The following ADAMTS8 variants were observed in gnomAD, a reference collection of about 807,000 sequenced individuals.
The protein encoded by ADAMTS8 is A disintegrin and metalloproteinase with thrombospondin motifs 8.
ADAMTS8 carries 50 observed loss-of-function variants against 64.4 expected under a neutral mutation model. The observed-to-expected ratio is 0.78, with a 90% CI of 0.62 to 0.98. The LOEUF is 0.98. ADAMTS8 is among the 50% of genes least tolerant of loss of function. The pLI is 0.00. For synonymous variants in ADAMTS8, 556 were observed against 533.6 expected, an observed-to-expected ratio of 1.04 and a Z score of -0.58; for missense variants, 1,192 against 1,208.2, an observed-to-expected ratio of 0.99 and a Z score of 0.20.
chr11:130,427,386 C>T (rs538479836), intron 1 of ADAMTS8, among the ~76,000 whole-genome samples, 181 bp downstream of exon 1: 1 of 149,840 alleles, frequency 6.7e-6, no homozygotes, highest in Non-Finnish European at 1.5e-5. Flanking sequence ...AAAAGAGTTA[C>T]TGCTCTTTCT....
At chr11:130,427,275 G>T (rs1044722900) in intron 1 of ADAMTS8, among the ~76,000 whole-genome samples, 5 of 152,168 alleles carry the variant, frequency 3.3e-5, no homozygotes, top group African/African-American at 1.2e-4. Context: ...GCCACGTGCC[G>T]CGGGAGATTC....
chr11:130,406,883 A>G (rs1038208504), intron 8 of ADAMTS8, among the ~76,000 whole-genome samples: 2 of 152,096 alleles, frequency 1.3e-5, no homozygotes, highest in African/African-American at 4.8e-5. Context: ...CTGGGGAGAA[A>G]GTGAGGCGAG....
rs1025787932 is a variant in ADAMTS8, at chr11:130,407,902, G to C, written c.2099+562C>G. Among the ~76,000 whole-genome samples the C allele has an allele frequency of 1.2e-4, 19 of 152,202 alleles. 1 individual carries two copies. The highest frequency in any genetic ancestry group is 4.6e-4 in the African/African-American group (19 of 41,452). On this transcript the variant is annotated intron_variant, in intron 8 of 8. Transcript: ENST00000257359. Reference sequence around the variant, plus strand: ...ACAAATCAAATGAGACCATGGAAATGAAAGCGCTTTGGAAAATCCTTGGAG... The same window carrying C: ...ACAAATCAAATGAGACCATGGAAATCAAAGCGCTTTGGAAAATCCTTGGAG...
At position 130,411,408 on chromosome 11, in the gene ADAMTS8, G is replaced by A. The variant is rs1264764557; in HGVS notation, c.1750+9C>T. 6.2e-7 allele frequency: 1 copy of A among 1,613,060 alleles called. No homozygotes were observed. The highest frequency in any genetic ancestry group is 1.3e-5 in the African/African-American group (1 of 75,020). ...TGCTCTGGCAGGGGCGGCCCTGAGT[G>A]GTAATTACCGTCAGGGGGGCATTCC... On this transcript the variant is annotated intron_variant, in intron 6 of 8. Transcript: ENST00000257359. This position sits in a 1 kb window ranked among gnomAD's most constrained non-coding sequence, Gnocchi z 4.2.
chr11:130,414,749 G>C lies in ADAMTS8; in HGVS notation c.1348C>G (p.Gln450Glu). ...PGRMALYQLD[Q>E]QCRQIFGPDF... ...GGCCCAAAGATCTGCCTGCACTGCT[G>C]GTCCAGCTGGTACAGGGCCATGCGG... is the stretch of plus-strand genomic sequence containing the variant. The change falls in exon 5 of 9, where the codon CAG (glutamine) becomes GAG (glutamate). Residue 450 changes from glutamine to glutamate, a missense_variant. Gln to Glu is a conservative substitution (Grantham distance 29). Coordinates refer to ENST00000257359, the MANE Select transcript of ADAMTS8 (RefSeq NM_007037.6). The C allele has an allele frequency of 6.2e-7, 1 of 1,613,550 alleles. No individual in the cohort carries two copies. Among genetic ancestry groups the C allele is most frequent in the Non-Finnish European group, 8.5e-7 (1 of 1,180,038 alleles).
At position 130,426,681 on chromosome 11, in the gene ADAMTS8, A is replaced by C. The variant is rs182456282; in HGVS notation, c.720+886T>G. On this transcript the variant is annotated intron_variant, in intron 1 of 8. Transcript: ENST00000257359. The stretch of plus-strand genomic sequence containing the variant: ...CCTGCTGAGTCAGCACCATCTTTGC[A>C]TCTAGTTAGAAATGGTCTGGTTAGG... 1.8e-3 allele frequency among the ~76,000 whole-genome samples: 276 copies of C among 152,264 alleles called. 1 individual carries two copies. The highest frequency in any genetic ancestry group is 6.5e-3 in the African/African-American group (271 of 41,546).
At chr11:130,419,856 C>T (rs1200305391) in intron 1 of ADAMTS8, among the ~76,000 whole-genome samples, 1 of 152,276 alleles carries the variant, frequency 6.6e-6, no homozygotes, top group Middle Eastern at 3.4e-3. Context: ...TGAACATTTT[C>T]CTGTTGTCTA....
rs1342913256 is a variant in ADAMTS8, at chr11:130,414,003, G to C, written c.1566+528C>G. Among the ~76,000 whole-genome samples, 3 of 152,082 alleles carry C rather than the reference G, an allele frequency of 2.0e-5. No homozygotes were observed. In the East Asian group the frequency reaches 5.8e-4, roughly 29 times the overall value. On this transcript the variant is annotated intron_variant, in intron 5 of 8. Coordinates refer to ENST00000257359, the MANE Select transcript of ADAMTS8 (RefSeq NM_007037.6). ...CCACGGCAGTGTCAACCCACTGACC[G>C]AGGGGATAGCCTTCACGGGCTCCTC...
intron 4 of ADAMTS8, among the ~76,000 whole-genome samples, chr11:130,415,374 G>A (rs923960692): frequency 2.6e-5 from 4 of 151,800 alleles, no homozygotes; most frequent in Non-Finnish European, 5.9e-5. Context: ...CTCGATCTCG[G>A]CTCACCGCAA....
Position 130,405,772 on chromosome 11 carries a change from C to T in ADAMTS8, c.2456G>A (p.Ser819Asn). Residue 819 changes from serine to asparagine, a missense_variant, in exon 9 of 9, where the codon AGC (serine) becomes AAC (asparagine). Physicochemically the swap from Ser to Asn is conservative, Grantham distance 46. Coordinates refer to ENST00000257359, the MANE Select transcript of ADAMTS8 (RefSeq NM_007037.6). ...PNDVDFSMQS[S>N]KERATTNIIQ... Reference sequence around the variant, plus strand: ...GATGTTGGTGGTTGCTCTCTCTTTGCTGCTCTGCATGCTAAAGTCCACGTC... The same window carrying T: ...GATGTTGGTGGTTGCTCTCTCTTTGTTGCTCTGCATGCTAAAGTCCACGTC... The T allele has an allele frequency of 6.2e-7, 1 of 1,614,178 alleles. No individual in the cohort carries two copies.
chr11:130,411,870 CTGAA>C lies in ADAMTS8; in HGVS notation c.1567-274_1567-271del. 6.5e-6 allele frequency: 3 copies of C among 458,448 alleles called. No homozygotes were observed. Among genetic ancestry groups the C allele is most frequent in the Admixed American group, 3.8e-5 (1 of 26,142 alleles). 28.4% of individuals were successfully genotyped at this position (458,448 alleles called of 1,614,324 possible). A position where few individuals can be genotyped will look rare whatever the true frequency, so the allele number is the denominator to read the frequency against. ...AGTAAGGTGCTCAATAGGCTATCTG[CTGAA>C]TGAATGAATGACACCCTTTTATGGG... On this transcript the variant is annotated intron_variant, in intron 5 of 8. Transcript: ENST00000257359. The surrounding 1 kb of genome is among the most constrained non-coding windows in gnomAD (Gnocchi z 4.2).
chr11:130,419,177 C>T lies in ADAMTS8; in HGVS notation c.836G>A (p.Gly279Asp). 6.2e-7 allele frequency: 1 copy of T among 1,614,154 alleles called. No individual in the cohort carries two copies. The highest frequency in any genetic ancestry group is 8.5e-7 in the Non-Finnish European group (1 of 1,180,050). ...CCCCCCATTGTCGGACACCTCTGGG[C>T]CCCATTTTTCATCTTCTACGATCAG... ...KVLIVEDEKW[G>D]PEVSDNGGLT... The change falls in exon 2 of 9, where the codon GGC becomes GAC. Residue 279 changes from glycine to aspartate, a missense_variant. Coordinates refer to ENST00000257359, the MANE Select transcript of ADAMTS8 (RefSeq NM_007037.6).
Position 130,428,318 on chromosome 11 carries a change from G to C in ADAMTS8, c.-32C>G. On this transcript the variant is annotated 5_prime_UTR_variant, in exon 1 of 9. Coordinates refer to ENST00000257359, the MANE Select transcript of ADAMTS8 (RefSeq NM_007037.6). ...TGCGGCGGTGGCTGCGCGCAGGAGA[G>C]GGAAGAAGCCCGCCAGGCGCGGGCA... is the stretch of plus-strand genomic sequence containing the variant. 1 of 1,260,022 alleles carries C rather than the reference G, an allele frequency of 7.9e-7. No homozygotes were observed. The highest frequency in any genetic ancestry group is 1.0e-6 in the Non-Finnish European group (1 of 994,514). 78.1% of individuals were successfully genotyped at this position (1,260,022 alleles called of 1,614,324 possible). A position where few individuals can be genotyped will look rare whatever the true frequency, so the allele number is the denominator to read the frequency against.
Position 130,416,799 on chromosome 11 carries a change from T to C in ADAMTS8, c.1096+141A>G. 7.4e-7 allele frequency: 1 copy of C among 1,354,720 alleles called. No individual in the cohort carries two copies. Among genetic ancestry groups the C allele is most frequent in the East Asian group, 2.3e-5 (1 of 43,314 alleles). The allele number at this position is 1,354,720 out of a possible 1,614,324, so 83.9% of individuals were successfully genotyped here. ...AGCACTGTCAAGCGCGGTATCTGTTTGTATACAGTCACCCTGTCAAAATTA... is the reference window on the plus strand; with the variant it reads ...AGCACTGTCAAGCGCGGTATCTGTTCGTATACAGTCACCCTGTCAAAATTA... On this transcript the variant is annotated intron_variant, in intron 3 of 8. Coordinates refer to ENST00000257359, the MANE Select transcript of ADAMTS8 (RefSeq NM_007037.6). The surrounding 1 kb of genome is among the most constrained non-coding windows in gnomAD (Gnocchi z 4.8).
Position 130,411,430 on chromosome 11 carries a change from T to C in ADAMTS8, c.1737A>G (p.Glu579=). 2 of 1,614,070 alleles carry C rather than the reference T, an allele frequency of 1.2e-6. No individual in the cohort carries two copies. Among genetic ancestry groups the C allele is most frequent in the Non-Finnish European group, 8.5e-7 (1 of 1,179,956 alleles). ...RAKYQSCHTE[E]CPPDGKSFRE... ...AGTGGTAATTACCGTCAGGGGGGCA[T>C]TCCTCCGTGTGGCATGACTGGTACT... Residue 579 remains glutamate (E), a synonymous_variant, in exon 6 of 9, where the codon GAA becomes GAG. Transcript: ENST00000257359. This position sits in a 1 kb window ranked among gnomAD's most constrained non-coding sequence, Gnocchi z 4.2.
At chr11:130,413,308 A>G (rs1227975463) in intron 5 of ADAMTS8, among the ~76,000 whole-genome samples, 2 of 152,252 alleles carry the variant, frequency 1.3e-5, no homozygotes, top group East Asian at 3.9e-4. Context: ...CCTCAATAAC[A>G]TGTGATGAGA....
chr11:130,425,518 G>A (rs530935995), intron 1 of ADAMTS8, among the ~76,000 whole-genome samples: 1 of 152,200 alleles, frequency 6.6e-6, no homozygotes, highest in African/African-American at 2.4e-5. Context: ...TGTTCCATGT[G>A]TGGGGGTAGA....
chr11:130,405,927 G>A lies in ADAMTS8; in HGVS notation c.2301C>T (p.Ser767=), dbSNP rs765042268. 24 of 1,614,086 alleles carry A rather than the reference G, an allele frequency of 1.5e-5. No individual in the cohort carries two copies. Among genetic ancestry groups the A allele is most frequent in the South Asian group, 2.2e-5 (2 of 91,092 alleles). ...ILVKGTILKY[S]GSIATLERLQ... is the part of the protein sequence containing the mutation. ...GGCGCTCCAGGGTGGCGATGGAGCC[G>A]CTGTACTTCAGGATGGTCCCCTTCA... is the stretch of plus-strand genomic sequence containing the variant. The change falls in exon 9 of 9, where the codon AGC becomes AGT. Residue 767 remains serine (S), a synonymous_variant. Coordinates refer to ENST00000257359, the MANE Select transcript of ADAMTS8 (RefSeq NM_007037.6).
chr11:130,425,925 C>T (rs1170471136), intron 1 of ADAMTS8, among the ~76,000 whole-genome samples: 1 of 152,042 alleles, frequency 6.6e-6, no homozygotes, highest in Non-Finnish European at 1.5e-5. Context: ...CTGGTGGAGC[C>T]CCCTAGGAGC....
Sources: gnomAD v4.1 joint callset for allele counts (sites outside exome capture counted in the v4.1 genomes callset) on GRCh38, gnomAD v4.1.1 for gene constraint, Gnocchi (gnomAD v3.1) non-coding constraint, MANE v1.5 for transcripts, NCBI Gene and HGNC (gene_info 2026-07-23, HGNC 2026-07-21) for gene names.